Variants in KIZ observed in about 807,000 individuals in gnomAD.
KIZ encodes the protein kizuna centrosomal protein.
KIZ carries 68 observed loss-of-function variants against 79.6 expected under a neutral mutation model. The ratio of observed to expected loss-of-function variants is 0.85; its 90% CI spans 0.70 to 1.05. The LOEUF (loss-of-function observed/expected upper bound fraction) is 1.05. Ranked by LOEUF, KIZ falls within the 50% of genes least tolerant of loss-of-function variation. KIZ has a pLI of 0.00. For missense variants in KIZ, 797 were observed against 800.4 expected, an observed-to-expected ratio of 1.00 and a Z score of 0.05; for synonymous variants, 280 against 281.8, an observed-to-expected ratio of 0.99 and a Z score of 0.06.
chr20:21,206,954 C>T (rs2035851596), intron 7 of KIZ, among the ~76,000 whole-genome samples: 1 of 152,204 alleles, frequency 6.6e-6, no homozygotes, highest in Admixed American at 6.5e-5. Context: ...TGGCATATTC[C>T]TTCCTCATTC....
chr20:21,140,226 T>C lies in KIZ; in HGVS notation c.315+3674T>C, dbSNP rs781576349. ...TGCTGCCATCCAGGTATCAGATGTTTACCTCCTTTCTTGACTGACCTCACA... is the reference window on the plus strand; with the variant it reads ...TGCTGCCATCCAGGTATCAGATGTTCACCTCCTTTCTTGACTGACCTCACA... On this transcript the variant is annotated intron_variant, in intron 3 of 12. Transcript: ENST00000619189. Among the ~76,000 whole-genome samples the C allele has an allele frequency of 4.6e-5, 7 of 152,348 alleles. No homozygotes were observed. The East Asian group carries it at 1.3e-3, about 29-fold the overall frequency.
At chr20:21,140,191 C>T (rs141243120) in intron 3 of KIZ, among the ~76,000 whole-genome samples, 211 of 152,310 alleles carry the variant, frequency 1.4e-3, no homozygotes, top group Non-Finnish European at 1.8e-3. Context: ...AACCACTTGT[C>T]TCCTCTTAAT....
At chr20:21,170,680 G>A (rs967149617) in intron 6 of KIZ, among the ~76,000 whole-genome samples, 20 of 151,974 alleles carry the variant, frequency 1.3e-4, no homozygotes, top group Non-Finnish European at 2.4e-4. Context: ...GAGCCACCAC[G>A]CCCGGCCATC....
rs551152293 is a variant in KIZ at position 21,230,928 on chromosome 20, G to A, written c.1784-1806G>A. Among the ~76,000 whole-genome samples, 14 of 152,272 alleles carry A rather than the reference G, an allele frequency of 9.2e-5. No individual in the cohort carries two copies. The South Asian group carries it at 1.0e-3, about 11-fold the overall frequency. ...AATGAGGCCCCAGGAGAGTAACACC[G>A]TGCTCAGAGCCTTTCAGCTGGATAG... On this transcript the variant is annotated intron_variant, in intron 10 of 12. Transcript: ENST00000619189.
intron 6 of KIZ, among the ~76,000 whole-genome samples, chr20:21,200,692 C>T (rs1296569829): frequency 6.6e-6 from 1 of 152,080 alleles, no homozygotes; most frequent in East Asian, 1.9e-4. Flanking sequence ...GCCCTCCTGC[C>T]ACTCACCTCC....
intron 6 of KIZ, 35 bp from the exon 7 acceptor site, chr20:21,205,456 A>C (rs759253642): frequency 5.9e-6 from 5 of 850,550 alleles, no homozygotes; most frequent in Non-Finnish European, 9.4e-6. Flanking sequence ...ATAATATTAC[A>C]AATCTATAGT....
At chr20:21,174,447 T>C (rs2034349586) in intron 6 of KIZ, among the ~76,000 whole-genome samples, 2 of 152,130 alleles carry the variant, frequency 1.3e-5, no homozygotes, top group Admixed American at 1.3e-4. Flanking sequence ...AGTTGGAGTA[T>C]CATCAAAGAT....
chr20:21,228,800 C>G (rs2036736494), intron 9 of KIZ, among the ~76,000 whole-genome samples: 1 of 152,132 alleles, frequency 6.6e-6, no homozygotes, highest in African/African-American at 2.4e-5. Flanking sequence ...TTGGCTGCCT[C>G]AAATAAACTC....
intron 6 of KIZ, among the ~76,000 whole-genome samples, chr20:21,168,725 C>T (rs1442193942): frequency 1.3e-5 from 2 of 152,176 alleles, no homozygotes; most frequent in East Asian, 3.9e-4. Context: ...GTACTGGTAC[C>T]AAAACAGAGA....
chr20:21,232,396 T>C (rs943209524), intron 10 of KIZ, among the ~76,000 whole-genome samples: 21 of 152,200 alleles, frequency 1.4e-4, no homozygotes, highest in African/African-American at 4.8e-4. Context: ...TGCCCGTGTG[T>C]TATAACAATG....
intron 6 of KIZ, among the ~76,000 whole-genome samples, chr20:21,199,398 TAAAG>T (rs2035496390): frequency 6.6e-6 from 1 of 152,236 alleles, no homozygotes; most frequent in Non-Finnish European, 1.5e-5. Flanking sequence ...TAGAGCCAGA[TAAAG>T]AAGTCAAGAA....
At chr20:21,188,591 A>AT (rs1168807352) in intron 6 of KIZ, among the ~76,000 whole-genome samples, 44 of 142,910 alleles carry the variant, frequency 3.1e-4, no homozygotes, top group Middle Eastern at 7.3e-3. Context: ...CACCCTCCAC[A>AT]TTTTTTTTTT....
intron 6 of KIZ, 124 bp from the exon 7 acceptor site, chr20:21,205,367 A>G (rs1483196293): frequency 2.0e-6 from 1 of 495,588 alleles, no homozygotes; most frequent in Non-Finnish European, 3.6e-6. Flanking sequence ...CCCTTAGACC[A>G]GAATATGTTG....
intron 6 of KIZ, among the ~76,000 whole-genome samples, chr20:21,165,338 T>TG (rs368284004): frequency 6.6e-6 from 1 of 151,790 alleles, no homozygotes; most frequent in African/African-American, 2.4e-5. Flanking sequence ...CAAGAAGGAA[T>TG]GCGGAGCAGA....
At chr20:21,189,019 T>C (rs535655097) in intron 6 of KIZ, among the ~76,000 whole-genome samples, 1 of 152,092 alleles carries the variant, frequency 6.6e-6, no homozygotes, top group Non-Finnish European at 1.5e-5. Context: ...GTTTTGTATT[T>C]TATTTTAAGA....
At chr20:21,139,292 A>G (rs2032382600) in intron 3 of KIZ, among the ~76,000 whole-genome samples, 1 of 151,544 alleles carries the variant, frequency 6.6e-6, no homozygotes, top group Non-Finnish European at 1.5e-5. Context: ...TTTACCTCAC[A>G]TTTTTTCTCC....
At chr20:21,213,657 A>C (rs1883969312) in intron 7 of KIZ, 3 of 152,232 alleles carry the variant, frequency 2.0e-5, no homozygotes. Context: ...ATGGTTATCT[A>C]CTAAAAGTTT....
At chr20:21,192,491 C>G (rs2035154797) in intron 6 of KIZ, among the ~76,000 whole-genome samples, 1 of 152,004 alleles carries the variant, frequency 6.6e-6, no homozygotes, top group Admixed American at 6.6e-5. Flanking sequence ...AAATTTTATT[C>G]TGGATGTGAT....
At chr20:21,177,717 T>TA (rs2034493142) in intron 6 of KIZ, among the ~76,000 whole-genome samples, 1 of 152,170 alleles carries the variant, frequency 6.6e-6, no homozygotes, top group African/African-American at 2.4e-5. Flanking sequence ...CTTCAGGTCT[T>TA]ATATTTAAAT....
Sources: allele counts gnomAD v4.1 joint callset (sites outside exome capture counted in the v4.1 genomes callset), GRCh38; gene constraint gnomAD v4.1.1; transcripts MANE v1.5; gene names NCBI Gene and HGNC (gene_info 2026-07-23, HGNC 2026-07-21).